The following DPH6 variants were observed in gnomAD, a reference collection of about 807,000 sequenced individuals.
The protein encoded by DPH6 is diphthamine biosynthesis 6, also known as diphthine--ammonia ligase.
Under a neutral mutation model 38.2 loss-of-function variants are expected in DPH6, and 33 were observed. That is an observed-to-expected ratio of 0.86 (90% CI 0.65 to 1.15). The LOEUF is 1.15. Ranked by LOEUF, DPH6 falls within the 50% of genes most tolerant of loss-of-function variation. The pLI is 0.00. For synonymous variants in DPH6, 108 were observed against 103.0 expected, an observed-to-expected ratio of 1.05 and a Z score of -0.30; for missense variants, 325 against 320.0, an observed-to-expected ratio of 1.02 and a Z score of -0.12.
the DPH6 span, among the ~76,000 whole-genome samples, chr15:35,170,731 G>T: frequency 0.7 from 106,223 of 151,886 alleles, 37,803 homozygotes; most frequent in Middle Eastern, 0.78. Context: ...GTAGTAAGAG[G>T]TTCACACAGA....
At chr15:35,402,913 C>A (rs1724787270) in intron 6 of DPH6, among the ~76,000 whole-genome samples, 1 of 151,926 alleles carries the variant, frequency 6.6e-6, no homozygotes, top group African/African-American at 2.4e-5. Context: ...ATAATTATTT[C>A]ATTATGCATA....
At chr15:35,222,182 G>A (rs1371552011) in intron 3 of DPH6, among the ~76,000 whole-genome samples, 1 of 152,194 alleles carries the variant, frequency 6.6e-6, no homozygotes, top group Non-Finnish European at 1.5e-5. Context: ...TCTGAGCCAT[G>A]TAGAAACAAT....
the DPH6 span, among the ~76,000 whole-genome samples, chr15:35,150,804 G>A: frequency 2.0e-5 from 3 of 152,200 alleles, no homozygotes; most frequent in South Asian, 4.1e-4. Context: ...GATGCTACTC[G>A]AAAGAATCAT....
At chr15:35,267,508 C>T (rs563510474) in intron 3 of DPH6, among the ~76,000 whole-genome samples, 4 of 152,326 alleles carry the variant, frequency 2.6e-5, no homozygotes, top group African/African-American at 9.6e-5. Context: ...CTCTATCTTC[C>T]CCAATCCTAA....
At chr15:35,541,688 T>A (rs2055255506) in intron 2 of DPH6, among the ~76,000 whole-genome samples, 1 of 152,162 alleles carries the variant, frequency 6.6e-6, no homozygotes, top group African/African-American at 2.4e-5. Flanking sequence ...AAAGTGCTAA[T>A]CTTTTTTCCC....
intron 6 of DPH6, among the ~76,000 whole-genome samples, chr15:35,392,407 G>T (rs1291826633): frequency 8.0e-6 from 1 of 125,244 alleles, no homozygotes; most frequent in African/African-American, 3.4e-5. Flanking sequence ...ATTTTAAAAT[G>T]GAAAAAAAAA....
chr15:35,312,568 C>A (rs1214625033), intron 3 of DPH6, among the ~76,000 whole-genome samples: 1 of 152,090 alleles, frequency 6.6e-6, no homozygotes, highest in Non-Finnish European at 1.5e-5. Flanking sequence ...GTAACATTAT[C>A]CAGAATCACT....
At chr15:35,537,209 A>G (rs2055182765) in intron 3 of DPH6, among the ~76,000 whole-genome samples, 1 of 152,166 alleles carries the variant, frequency 6.6e-6, no homozygotes, top group South Asian at 2.1e-4. Context: ...TTGAAACTAG[A>G]AAATTTTCAT....
chr15:35,308,231 T>A (rs1367915340), intron 3 of DPH6, among the ~76,000 whole-genome samples: 1 of 152,128 alleles, frequency 6.6e-6, no homozygotes, highest in Non-Finnish European at 1.5e-5. Context: ...ATCCTGTCAC[T>A]GCATAAATAA....
At chr15:35,164,614 A>C in the DPH6 span, among the ~76,000 whole-genome samples, 1 of 151,884 alleles carries the variant, frequency 6.6e-6, no homozygotes, top group African/African-American at 2.4e-5. Context: ...AATTATAATA[A>C]TATAGCGTTT....
intron 3 of DPH6, among the ~76,000 whole-genome samples, chr15:35,321,289 T>C (rs2052238412): frequency 1.3e-5 from 2 of 152,244 alleles, no homozygotes; most frequent in Admixed American, 6.5e-5. Context: ...GACAGCCAGC[T>C]TGTAAGGCTA....
intron 3 of DPH6, among the ~76,000 whole-genome samples, chr15:35,309,487 T>C (rs2140820770): frequency 6.6e-6 from 1 of 152,318 alleles, no homozygotes; most frequent in African/African-American, 2.4e-5. Flanking sequence ...CTCATATCAC[T>C]CCTAATGAAA....
At chr15:35,145,556 C>T in the DPH6 span, among the ~76,000 whole-genome samples, 1 of 152,216 alleles carries the variant, frequency 6.6e-6, no homozygotes, top group Non-Finnish European at 1.5e-5. Flanking sequence ...AGAAGGCTAA[C>T]AATACACTTG....
intron 3 of DPH6, among the ~76,000 whole-genome samples, chr15:35,313,329 T>C (rs1180238104): frequency 6.6e-6 from 1 of 151,914 alleles, no homozygotes; most frequent in Non-Finnish European, 1.5e-5. Context: ...GAGTCTTTCA[T>C]GGTTTTATAT....
intron 3 of DPH6, among the ~76,000 whole-genome samples, chr15:35,511,311 GA>G (rs1372747597): frequency 2.0e-5 from 3 of 151,340 alleles, no homozygotes. Flanking sequence ...ATGAAGGAGG[GA>G]AAAAAAGAGA....
At chr15:35,423,582 G>A (rs1249462564) in intron 5 of DPH6, among the ~76,000 whole-genome samples, 2 of 141,484 alleles carry the variant, frequency 1.4e-5, no homozygotes, top group Non-Finnish European at 3.0e-5. Context: ...TTTCTTGCCT[G>A]TGTTTTTGGT....
rs200519593 is a variant in DPH6, at chr15:35,261,539, G to GT, written n.201-40958dup. ...GTAGGAATGTAAATCTATAAAGTTA[G>GT]TTTAAAAAAAAAGGCTGCACATGTG... is the stretch of plus-strand genomic sequence containing the variant. On this transcript the variant is annotated intron_variant and non_coding_transcript_variant, in intron 3 of 3. Coordinates refer to the DPH6 transcript ENST00000560386. Among the ~76,000 whole-genome samples, 38 of 105,898 alleles carry GT rather than the reference G, an allele frequency of 3.6e-4. 1 individual carries two copies. Among genetic ancestry groups the GT allele is most frequent in the African/African-American group, 7.0e-4 (27 of 38,398 alleles). 69.5% of individuals were successfully genotyped at this position (105,898 alleles called of 152,430 possible).
At chr15:35,343,986 T>A (rs1858576789) in intron 3 of DPH6, among the ~76,000 whole-genome samples, 2 of 152,044 alleles carry the variant, frequency 1.3e-5, no homozygotes, top group Admixed American at 1.3e-4. Flanking sequence ...AACTGATTGA[T>A]CTAGGTTTTC....
intron 3 of DPH6, among the ~76,000 whole-genome samples, chr15:35,272,168 A>G (rs1028074361): frequency 3.3e-5 from 5 of 152,198 alleles, no homozygotes; most frequent in African/African-American, 1.2e-4. Flanking sequence ...AATAGAGTAT[A>G]ACAAATATTT....
Sources: allele counts gnomAD v4.1 joint callset (sites outside exome capture counted in the v4.1 genomes callset), GRCh38; gene constraint gnomAD v4.1.1; transcripts MANE v1.5; gene names NCBI Gene and HGNC (gene_info 2026-07-23, HGNC 2026-07-21).